The following CDK5RAP1 variants were observed in gnomAD, a reference collection of about 807,000 sequenced individuals.
The protein encoded by CDK5RAP1 is CDK5RAP1 mitochondrial tRNA methylthiotransferase, also known as mitochondrial tRNA methylthiotransferase CDK5RAP1.
CDK5RAP1 carries 62 observed loss-of-function variants against 64.5 expected under a neutral mutation model. The ratio of observed to expected loss-of-function variants is 0.96; its 90% CI spans 0.78 to 1.19. CDK5RAP1 has a LOEUF of 1.19. Among genes scored for constraint, CDK5RAP1 ranks in the 50% most tolerant of loss-of-function variants. The probability of loss-of-function intolerance (pLI) is 0.00; values close to 1 mark genes in which losing one functional copy is unlikely to be tolerated. For synonymous variants in CDK5RAP1, 250 were observed against 261.9 expected, an observed-to-expected ratio of 0.95 and a Z score of 0.44; for missense variants, 657 against 735.0, an observed-to-expected ratio of 0.89 and a Z score of 1.23.
chr20:33,370,371 G>T, intron 11 of CDK5RAP1, 128 bp downstream of exon 11: 2 of 897,318 alleles, frequency 2.2e-6, no homozygotes, highest in South Asian at 1.9e-5. Flanking sequence ...GAACGGAAGT[G>T]AATCGTAAGA....
intron 1 of CDK5RAP1, 48 bp from the exon 2 acceptor site, chr20:33,397,132 C>A: frequency 4.3e-6 from 6 of 1,396,456 alleles, no homozygotes; most frequent in Non-Finnish European, 5.8e-6. Context: ...ACACTATGGA[C>A]AGGACACTGC....
intron 12 of CDK5RAP1, 56 bp from the exon 13 acceptor site, chr20:33,360,547 G>A: frequency 2.6e-6 from 4 of 1,519,590 alleles, no homozygotes; most frequent in South Asian, 1.2e-5. Context: ...AGTTCTTGGA[G>A]GGTAGAAACT....
intron 12 of CDK5RAP1, among the ~76,000 whole-genome samples, chr20:33,364,506 T>C (rs946978030): frequency 3.9e-5 from 6 of 152,088 alleles, no homozygotes; most frequent in African/African-American, 1.4e-4. Flanking sequence ...ATCTTATACT[T>C]GCTTTAAAAT....
rs138485301 is a variant in CDK5RAP1, at chr20:33,390,530, T to C, written c.544+1612A>G. 9.8e-3 allele frequency among the ~76,000 whole-genome samples: 1,500 copies of C among 152,288 alleles called. 15 individuals are homozygous for C. Among genetic ancestry groups the C allele is most frequent in the African/African-American group, 0.033 (1,383 of 41,564 alleles). On this transcript the variant is annotated intron_variant, in intron 5 of 13. Transcript: ENST00000346416. ...TCAGTTTGGGAAGAGAAAAAAGTCC[T>C]GCAGATGGATGGTGGTGATGGGTGC...
chr20:33,385,872 T>G, intron 6 of CDK5RAP1, 102 bp from the exon 7 acceptor site: 2 of 1,099,368 alleles, frequency 1.8e-6, no homozygotes, highest in South Asian at 3.3e-5. Context: ...TGGCTCTGAA[T>G]CCTCTTGCCA....
intron 8 of CDK5RAP1, among the ~76,000 whole-genome samples, chr20:33,378,507 T>C (rs1986318911): frequency 6.6e-6 from 1 of 152,148 alleles, no homozygotes; most frequent in South Asian, 2.1e-4. Context: ...GCACATGCTG[T>C]TGGAAAAATG....
At chr20:33,379,227 G>C (rs1418484270) in intron 8 of CDK5RAP1, among the ~76,000 whole-genome samples, 1 of 152,142 alleles carries the variant, frequency 6.6e-6, no homozygotes, top group Non-Finnish European at 1.5e-5. Context: ...CTGAGCTCAA[G>C]TAATCCACCT....
intron 2 of CDK5RAP1, among the ~76,000 whole-genome samples, chr20:33,396,089 CAT>C (rs780511954): frequency 3.3e-5 from 5 of 152,150 alleles, no homozygotes; most frequent in Non-Finnish European, 5.9e-5. Flanking sequence ...TTTAAATCCA[CAT>C]GTTACACTCC....
At chr20:33,395,139 A>G in intron 2 of CDK5RAP1, 23 bp from the exon 3 acceptor site, 3 of 1,402,550 alleles carry the variant, frequency 2.1e-6, no homozygotes, top group Non-Finnish European at 3.0e-6. Flanking sequence ...GTTGGGGGGA[A>G]TCCATGGTAG....
rs1165776064 is a variant in CDK5RAP1, at chr20:33,396,918, A to C, written c.147T>G (p.Asp49Glu). ...TGGAGCTGAAATCCTTCCGAGCTCCATCCTCCTGCCTCTCTGGACTGGGAC... is the reference window on the plus strand; with the variant it reads ...TGGAGCTGAAATCCTTCCGAGCTCCCTCCTCCTGCCTCTCTGGACTGGGAC... The part of the protein sequence containing the change: ...TMCPSPERQE[D>E]GARKDFSSRL... Residue 49 changes from aspartate (D) to glutamate (E), a missense_variant, in exon 2 of 14, where the codon GAT (aspartate) becomes GAG (glutamate). Asp to Glu is a conservative substitution (Grantham distance 45). Transcript: ENST00000346416. The C allele has an allele frequency of 6.2e-7, 1 of 1,614,100 alleles. No individual in the cohort carries two copies. Among genetic ancestry groups the C allele is most frequent in the Non-Finnish European group, 8.5e-7 (1 of 1,180,052 alleles).
intron 3 of CDK5RAP1, among the ~76,000 whole-genome samples, chr20:33,394,311 C>T (rs113039473): frequency 2.0e-3 from 299 of 151,800 alleles, no homozygotes; most frequent in African/African-American, 6.7e-3. Context: ...ACCACCACGC[C>T]CAGTTAATTT....
At chr20:33,359,716 C>G (rs1424490652) in intron 13 of CDK5RAP1, 1 of 156,292 alleles carries the variant, frequency 6.4e-6, no homozygotes, top group African/African-American at 2.4e-5. Context: ...TGTGGATGCT[C>G]TAGGGCATCA....
In CDK5RAP1 at chr20:33,366,877, C is replaced by T. The variant is rs761987177; in HGVS notation, c.1524G>A (p.Gln508=). The T allele has an allele frequency of 1.2e-6, 2 of 1,613,748 alleles. No homozygotes were observed. The highest frequency in any genetic ancestry group is 1.7e-6 in the Non-Finnish European group (2 of 1,179,904). The stretch of plus-strand genomic sequence containing the variant: ...GCCTCACCCCTTCCACTAGCACCAA[C>T]TGGGTACAGCCCACAGAGGTCTGAT... ...KANQTSVGCT[Q]LVLVEGLSKR... The change falls in exon 12 of 14, where the codon CAG becomes CAA. Residue 508 remains glutamine (Q), a synonymous_variant. Coordinates refer to ENST00000346416, the MANE Select transcript of CDK5RAP1 (RefSeq NM_016408.4).
rs150552277 is a variant in CDK5RAP1 at position 33,360,596 on chromosome 20, C to G, written c.1543-105G>C. The G allele has an allele frequency of 8.5e-5, 86 of 1,006,710 alleles. No homozygotes were observed. In the African/African-American group the frequency reaches 1.3e-3, roughly 15 times the overall value. 62.4% of individuals were successfully genotyped at this position (1,006,710 alleles called of 1,614,324 possible). A position where few individuals can be genotyped will look rare whatever the true frequency, so the allele number is the denominator to read the frequency against. On this transcript the variant is annotated intron_variant, in intron 12 of 13. Transcript: ENST00000346416. ...CTCGGATCCCCAAGAGTCTGACCCACAGAGCATTCCTTAACCAAGGAATCA... is the reference window on the plus strand; with the variant it reads ...CTCGGATCCCCAAGAGTCTGACCCAGAGAGCATTCCTTAACCAAGGAATCA...
chr20:33,385,567 A>C, intron 7 of CDK5RAP1, 83 bp downstream of exon 7: 3 of 1,516,812 alleles, frequency 2.0e-6, no homozygotes, highest in Non-Finnish European at 2.7e-6. Context: ...TAAGTCAGAG[A>C]CAGCATAGGC....
intron 1 of CDK5RAP1, among the ~76,000 whole-genome samples, chr20:33,397,946 C>T (rs770255071): frequency 2.0e-5 from 3 of 152,000 alleles, no homozygotes; most frequent in African/African-American, 4.8e-5. Flanking sequence ...GAACCGAGAT[C>T]GCACCACTGC....
intron 4 of CDK5RAP1, 32 bp downstream of exon 4, chr20:33,394,000 C>T: frequency 6.7e-7 from 1 of 1,484,892 alleles, no homozygotes; most frequent in Non-Finnish European, 9.4e-7. Flanking sequence ...ACATAAAATA[C>T]ATTCACTCCT....
At chr20:33,367,193 G>A (rs778579822) in intron 11 of CDK5RAP1, among the ~76,000 whole-genome samples, 185 bp from the exon 12 acceptor site, 3 of 152,168 alleles carry the variant, frequency 2.0e-5, no homozygotes, top group African/African-American at 4.8e-5. Context: ...AGGTAGTGGA[G>A]TCATATTTTT....
intron 1 of CDK5RAP1, 40 bp from the exon 2 acceptor site, chr20:33,397,124 A>G (rs1433148916): frequency 4.1e-6 from 6 of 1,465,266 alleles, no homozygotes; most frequent in Non-Finnish European, 5.5e-6. Context: ...TTTATTGAAC[A>G]CTATGGACAG....
Sources: gnomAD v4.1 joint callset for allele counts (sites outside exome capture counted in the v4.1 genomes callset) on GRCh38, gnomAD v4.1.1 for gene constraint, MANE v1.5 for transcripts, NCBI Gene and HGNC (gene_info 2026-07-23, HGNC 2026-07-21) for gene names.